The following RABGEF1 variants were observed in gnomAD, a reference collection of about 807,000 sequenced individuals.
The protein encoded by RABGEF1 is rab5 GDP/GTP exchange factor.
RABGEF1 carries 26 observed loss-of-function variants against 57.3 expected under a neutral mutation model. The observed-to-expected ratio is 0.45, with a 90% CI of 0.33 to 0.63. The LOEUF (loss-of-function observed/expected upper bound fraction) is 0.63, where lower values mean the gene tolerates loss of function less well. Ranked by LOEUF, RABGEF1 falls within the 20% of genes least tolerant of loss-of-function variation. RABGEF1 has a pLI of 0.02. For synonymous variants in RABGEF1, 185 were observed against 210.7 expected, an observed-to-expected ratio of 0.88 and a Z score of 1.06; for missense variants, 464 against 607.6, an observed-to-expected ratio of 0.76 and a Z score of 2.48.
intron 1 of RABGEF1, among the ~76,000 whole-genome samples, chr7:66,766,710 C>CTTAT (rs59017193): frequency 0.13 from 18,850 of 149,278 alleles, 1,429 homozygotes; most frequent in East Asian, 0.24. Flanking sequence ...ACTGTTACCT[C>CTTAT]TTATTTATTT....
At chr7:66,682,494 G>T (rs1400249393) in intron 1 of RABGEF1, among the ~76,000 whole-genome samples, 1 of 152,206 alleles carries the variant, frequency 6.6e-6, no homozygotes, top group Non-Finnish European at 1.5e-5. Flanking sequence ...CTCGTTGCCG[G>T]CATCTCCAGC....
At chr7:66,802,764 T>C (rs1787580920) in intron 7 of RABGEF1, among the ~76,000 whole-genome samples, 2 of 152,218 alleles carry the variant, frequency 1.3e-5, no homozygotes. Flanking sequence ...ATTCTCCTTT[T>C]CCTTCCCTTC....
At chr7:66,705,451 G>T (rs903364918) in intron 1 of RABGEF1, among the ~76,000 whole-genome samples, 4 of 122,224 alleles carry the variant, frequency 3.3e-5, no homozygotes, top group African/African-American at 1.2e-4. Context: ...GAAAGAGAGA[G>T]AGAGAGAGAG....
intron 2 of RABGEF1, among the ~76,000 whole-genome samples, chr7:66,730,986 T>C (rs1797250021): frequency 1.3e-5 from 2 of 152,144 alleles, no homozygotes; most frequent in Admixed American, 1.3e-4. Flanking sequence ...TCATCTAGTC[T>C]GAAATGACAG....
intron 1 of RABGEF1, among the ~76,000 whole-genome samples, chr7:66,761,672 C>T (rs933426198): frequency 6.6e-6 from 1 of 152,096 alleles, no homozygotes; most frequent in African/African-American, 2.4e-5. Flanking sequence ...AAGACCAATC[C>T]AGAATAGAGT....
upstream of RABGEF1, chr7:66,740,653 C>G (rs1202992981): frequency 6.5e-6 from 1 of 152,882 alleles, no homozygotes; most frequent in Non-Finnish European, 1.5e-5. Context: ...ACGCGCCGCG[C>G]GTAACGTGCG....
chr7:66,689,791 A>G (rs1326915796), intron 1 of RABGEF1, among the ~76,000 whole-genome samples: 5 of 151,698 alleles, frequency 3.3e-5, no homozygotes, highest in African/African-American at 1.2e-4. Context: ...GATGAGAGCA[A>G]GACTTCGTCT....
At chr7:66,752,883 A>G (rs1185451792) in intron 1 of RABGEF1, among the ~76,000 whole-genome samples, 1 of 152,166 alleles carries the variant, frequency 6.6e-6, no homozygotes, top group African/African-American at 2.4e-5. Context: ...TGTGGAAGGG[A>G]CAAAAGTGAG....
At chr7:66,692,586 A>G (rs576753950) in intron 1 of RABGEF1, among the ~76,000 whole-genome samples, 6 of 152,294 alleles carry the variant, frequency 3.9e-5, no homozygotes, top group African/African-American at 1.2e-4. Context: ...TTGCACAGGA[A>G]GGTCAACAAT....
chr7:66,754,870 T>C (rs2129069160), intron 1 of RABGEF1, among the ~76,000 whole-genome samples: 1 of 152,288 alleles, frequency 6.6e-6, no homozygotes. Flanking sequence ...AACTATGATA[T>C]GCCTTTGAGA....
In RABGEF1 at chr7:66,721,978, C is replaced by A. The variant is rs1355244294; in HGVS notation, c.-815+9754C>A. Among the ~76,000 whole-genome samples, 4 of 151,764 alleles carry A rather than the reference C, an allele frequency of 2.6e-5. No individual in the cohort carries two copies. In the East Asian group the frequency reaches 7.8e-4, roughly 30 times the overall value. ...ACCAGCCTGGACAATATAGTGAGAC[C>A]CCCCCTCCGTCTTTTCAAAAAATCA... On this transcript the variant is annotated intron_variant and NMD_transcript_variant, in intron 2 of 9. Transcript: ENST00000607882.
chr7:66,675,588 G>A, the RABGEF1 span, among the ~76,000 whole-genome samples: 1 of 152,126 alleles, frequency 6.6e-6, no homozygotes, highest in Non-Finnish European at 1.5e-5. Flanking sequence ...TTCTAGTCAG[G>A]ACAATTCAGC....
At chr7:66,657,106 A>T in the RABGEF1 span, among the ~76,000 whole-genome samples, 1 of 152,256 alleles carries the variant, frequency 6.6e-6, no homozygotes, top group Non-Finnish European at 1.5e-5. Flanking sequence ...CCAGATCAAT[A>T]GGAAAGAGAG....
At chr7:66,725,300 T>C (rs1368523276) in intron 2 of RABGEF1, among the ~76,000 whole-genome samples, 2 of 152,184 alleles carry the variant, frequency 1.3e-5, no homozygotes, top group Non-Finnish European at 2.9e-5. Context: ...TAATCAATTT[T>C]ACAATATTTT....
At chr7:66,791,039 A>G (rs1812538370) in intron 4 of RABGEF1, among the ~76,000 whole-genome samples, 1 of 152,206 alleles carries the variant, frequency 6.6e-6, no homozygotes. Flanking sequence ...CCCACTACAC[A>G]TTTCATTCAA....
At chr7:66,694,619 A>G (rs1316763676) in intron 1 of RABGEF1, among the ~76,000 whole-genome samples, 1 of 152,228 alleles carries the variant, frequency 6.6e-6, no homozygotes, top group African/African-American at 2.4e-5. Flanking sequence ...AGGGCCCAGG[A>G]GCTAGTGACG....
chr7:66,773,309 G>A (rs1288817592), intron 2 of RABGEF1, among the ~76,000 whole-genome samples: 4 of 152,062 alleles, frequency 2.6e-5, no homozygotes, highest in African/African-American at 9.7e-5. Context: ...AGGCCACTAG[G>A]CACAAACTCC....
At chr7:66,734,026 C>A (rs1160657263) in intron 2 of RABGEF1, among the ~76,000 whole-genome samples, 1 of 152,158 alleles carries the variant, frequency 6.6e-6, no homozygotes, top group Non-Finnish European at 1.5e-5. Context: ...ACAAAAAAAA[C>A]CTCCTAGAGG....
At position 66,708,323 on chromosome 7, in the gene RABGEF1, A is replaced by G. The variant is rs555926626; in HGVS notation, c.-872-3844A>G. On this transcript the variant is annotated intron_variant and NMD_transcript_variant, in intron 1 of 9. Transcript: ENST00000607882. ...TCTTTTGAGACAGGGTCTCACTCCA[A>G]TTTGCCCAAGCTGGAGTGCAGTGGC... Among the ~76,000 whole-genome samples, 6 of 151,154 alleles carry G rather than the reference A, an allele frequency of 4.0e-5. No homozygotes were observed. In the South Asian group the frequency reaches 1.0e-3, roughly 26 times the overall value.
Sources: gnomAD v4.1 joint callset for allele counts (sites outside exome capture counted in the v4.1 genomes callset) on GRCh38, gnomAD v4.1.1 for gene constraint, MANE v1.5 for transcripts, NCBI Gene and HGNC (gene_info 2026-07-23, HGNC 2026-07-21) for gene names.